The following SNTG1 variants were observed in gnomAD, a reference collection of about 807,000 sequenced individuals.
SNTG1 encodes the protein gamma-1-syntrophin.
In SNTG1, 39 loss-of-function variants were observed where a neutral mutation model predicts 74.7. The ratio of observed to expected loss-of-function variants is 0.52; its 90% CI spans 0.40 to 0.68. The LOEUF (loss-of-function observed/expected upper bound fraction) is 0.68. Among genes scored for constraint, SNTG1 ranks in the 30% least tolerant of loss-of-function variants. SNTG1 has a pLI of 0.00. For synonymous variants in SNTG1, 254 were observed against 217.1 expected, an observed-to-expected ratio of 1.17 and a Z score of -1.49; for missense variants, 685 against 609.5, an observed-to-expected ratio of 1.12 and a Z score of -1.30.
rs149226988 is a variant in SNTG1 at position 49,966,306 on chromosome 8, C to T, written c.-103+54075C>T. ...AATTTGTTGATTTGTACGGGAAATACAGTCAGTACTTTAAGTGTTTAGTTA... is the reference window on the plus strand; with the variant it reads ...AATTTGTTGATTTGTACGGGAAATATAGTCAGTACTTTAAGTGTTTAGTTA... On this transcript the variant is annotated intron_variant, in intron 1 of 18. Transcript: ENST00000642720. Among the ~76,000 whole-genome samples, 456 of 152,164 alleles carry T rather than the reference C, an allele frequency of 3.0e-3. 3 individuals are homozygous for T. The highest frequency in any genetic ancestry group is 0.01 in the African/African-American group (436 of 41,528).
At chr8:50,405,652 A>C (rs1263615482) in intron 4 of SNTG1, among the ~76,000 whole-genome samples, 2 of 152,062 alleles carry the variant, frequency 1.3e-5, no homozygotes, top group Non-Finnish European at 2.9e-5. Context: ...ATTTTAATAA[A>C]ATCCATGTCA....
rs186453617 is a variant in SNTG1, at chr8:50,611,027, T to C, written c.849+20110T>C. Among the ~76,000 whole-genome samples the C allele has an allele frequency of 5.3e-5, 8 of 152,310 alleles. No homozygotes were observed. In the East Asian group the frequency reaches 1.5e-3, roughly 29 times the overall value. On this transcript the variant is annotated intron_variant, in intron 13 of 18. Transcript: ENST00000642720. ...AGGATATTAAAATTAAGGAACTGTTTAAAAATGCATGGAACTTTTTTTGAG... is the reference window on the plus strand; with the variant it reads ...AGGATATTAAAATTAAGGAACTGTTCAAAAATGCATGGAACTTTTTTTGAG...
At chr8:50,152,727 T>C (rs547876932) in intron 1 of SNTG1, among the ~76,000 whole-genome samples, 7 of 152,352 alleles carry the variant, frequency 4.6e-5, no homozygotes, top group African/African-American at 1.7e-4. Context: ...GAATGTTGAA[T>C]ATTGGCCCCC....
intron 1 of SNTG1, among the ~76,000 whole-genome samples, chr8:50,036,952 T>C (rs1477150042): frequency 6.6e-6 from 1 of 152,266 alleles, no homozygotes; most frequent in Non-Finnish European, 1.5e-5. Flanking sequence ...TTATATAATC[T>C]GCAATCTCTG....
At chr8:50,603,835 C>T (rs2094792821) in intron 13 of SNTG1, among the ~76,000 whole-genome samples, 1 of 152,170 alleles carries the variant, frequency 6.6e-6, no homozygotes, top group South Asian at 2.1e-4. Flanking sequence ...GACTCCCTCT[C>T]TGTGCTGATC....
chr8:49,967,871 A>G (rs973338012), intron 1 of SNTG1, among the ~76,000 whole-genome samples: 5 of 152,192 alleles, frequency 3.3e-5, no homozygotes, highest in Non-Finnish European at 4.4e-5. Context: ...TTTGTAGTTT[A>G]AGATCATGAT....
intron 1 of SNTG1, among the ~76,000 whole-genome samples, chr8:50,167,686 G>C (rs139618166): frequency 6.6e-6 from 1 of 151,030 alleles, no homozygotes; most frequent in Non-Finnish European, 1.5e-5. Flanking sequence ...GGTGGCATGC[G>C]CCTGTAGTCC....
chr8:50,139,242 A>G (rs1339419451), intron 1 of SNTG1, among the ~76,000 whole-genome samples: 3 of 152,304 alleles, frequency 2.0e-5, no homozygotes, highest in African/African-American at 7.2e-5. Context: ...AACATTTTTA[A>G]TTGCAGCAAA....
At chr8:50,722,055 T>C (rs554918297) in intron 17 of SNTG1, among the ~76,000 whole-genome samples, 7 of 152,130 alleles carry the variant, frequency 4.6e-5, no homozygotes, top group African/African-American at 1.7e-4. Context: ...CTTGATAAAA[T>C]TTCAACATTT....
chr8:50,456,040 G>A (rs2093502020), intron 8 of SNTG1, among the ~76,000 whole-genome samples: 1 of 152,160 alleles, frequency 6.6e-6, no homozygotes, highest in Non-Finnish European at 1.5e-5. Context: ...CAAAAGGCCA[G>A]AAATGCTGTC....
chr8:50,460,116 A>G (rs1322664672), intron 8 of SNTG1, among the ~76,000 whole-genome samples: 1 of 152,236 alleles, frequency 6.6e-6, no homozygotes, highest in African/African-American at 2.4e-5. Context: ...GAACTAGTTT[A>G]CATTCCCACC....
chr8:50,545,389 CT>C (rs1563553317), intron 11 of SNTG1, among the ~76,000 whole-genome samples: 1 of 150,644 alleles, frequency 6.6e-6, no homozygotes, highest in African/African-American at 2.4e-5. Flanking sequence ...TTAAAATTGG[CT>C]GGTCTTTTAA....
chr8:50,737,151 T>G (rs1370919482), intron 17 of SNTG1, among the ~76,000 whole-genome samples: 6 of 151,436 alleles, frequency 4.0e-5, no homozygotes, highest in Admixed American at 2.6e-4. Context: ...AGTAACAAAA[T>G]AGACCACTAG....
intron 1 of SNTG1, among the ~76,000 whole-genome samples, chr8:50,076,985 A>G (rs1215607327): frequency 6.6e-6 from 1 of 152,206 alleles, no homozygotes; most frequent in Non-Finnish European, 1.5e-5. Flanking sequence ...TTTCAATTTC[A>G]GTACAATGGA....
At chr8:50,380,267 T>C (rs976112066) in intron 2 of SNTG1, among the ~76,000 whole-genome samples, 1 of 152,234 alleles carries the variant, frequency 6.6e-6, no homozygotes, top group Non-Finnish European at 1.5e-5. Flanking sequence ...TTGTTTTAAA[T>C]CCTATTGTTG....
intron 8 of SNTG1, among the ~76,000 whole-genome samples, chr8:50,484,082 T>TTATTTCTC (rs2093763059): frequency 1.3e-5 from 2 of 150,068 alleles, no homozygotes; most frequent in Non-Finnish European, 3.0e-5. Flanking sequence ...TTTTCTCTTT[T>TTATTTCTC]TCTTTCTCTC....
chr8:50,728,201 G>A (rs1406432625), intron 17 of SNTG1, among the ~76,000 whole-genome samples: 1 of 152,072 alleles, frequency 6.6e-6, no homozygotes, highest in African/African-American at 2.4e-5. Flanking sequence ...CTTGGGGGTG[G>A]TGTCCCCTTC....
intron 2 of SNTG1, among the ~76,000 whole-genome samples, chr8:50,261,004 C>G (rs1179324394): frequency 6.6e-6 from 1 of 152,094 alleles, no homozygotes; most frequent in Non-Finnish European, 1.5e-5. Context: ...ATAGTGACAA[C>G]TCTTTTACAA....
At chr8:50,091,182 A>G (rs559537042) in intron 1 of SNTG1, among the ~76,000 whole-genome samples, 28 of 152,090 alleles carry the variant, frequency 1.8e-4, no homozygotes, top group Non-Finnish European at 2.4e-4. Context: ...ATTTATATTT[A>G]AGGTGTAAAG....
Sources: gnomAD v4.1 joint callset for allele counts (sites outside exome capture counted in the v4.1 genomes callset) on GRCh38, gnomAD v4.1.1 for gene constraint, MANE v1.5 for transcripts, NCBI Gene and HGNC (gene_info 2026-07-23, HGNC 2026-07-21) for gene names.